The following DLGAP1 variants were observed in gnomAD, a reference collection of about 807,000 sequenced individuals.
DLGAP1 encodes disks large-associated protein 1.
A neutral mutation model predicts 90.8 loss-of-function variants in DLGAP1; 11 were observed. The ratio of observed to expected loss-of-function variants is 0.12; its 90% CI spans 0.08 to 0.20. DLGAP1 has a LOEUF of 0.20. DLGAP1 is among the 10% of genes least tolerant of loss of function. The pLI is 1.00. For missense variants in DLGAP1, 1,050 were observed against 1,333.8 expected (o/e 0.79, Z 3.31); for synonymous variants, 558 against 540.7 (o/e 1.03, Z -0.44).
At chr18:4,027,782 A>G (rs2074728267) in intron 2 of DLGAP1, among the ~76,000 whole-genome samples, 1 of 152,194 alleles carries the variant, frequency 6.6e-6, no homozygotes. Flanking sequence ...AATGTAACAT[A>G]AAAAACACCT....
chr18:4,145,850 A>C (rs2076577329), intron 2 of DLGAP1, among the ~76,000 whole-genome samples: 1 of 152,164 alleles, frequency 6.6e-6, no homozygotes, highest in African/African-American at 2.4e-5. Context: ...CTAGATTACA[A>C]GGCAGAAAAC....
chr18:3,664,209 CA>C (rs1220011204), intron 7 of DLGAP1, among the ~76,000 whole-genome samples: 5 of 128,716 alleles, frequency 3.9e-5, no homozygotes, highest in East Asian at 2.0e-4. Flanking sequence ...CACACACACA[CA>C]CACACACCCA....
chr18:4,215,670 T>A (rs1015778536), intron 1 of DLGAP1, among the ~76,000 whole-genome samples: 1 of 152,172 alleles, frequency 6.6e-6, no homozygotes, highest in Non-Finnish European at 1.5e-5. Context: ...CAAAAGCGAA[T>A]CAGCATTAAT....
chr18:4,341,054 C>T, intron 1 of DLGAP1, among the ~76,000 whole-genome samples: 1 of 151,960 alleles, frequency 6.6e-6, no homozygotes, highest in East Asian at 1.9e-4. Flanking sequence ...AGTTAAGGAG[C>T]CCTTAAGTAT....
intron 1 of DLGAP1, among the ~76,000 whole-genome samples, chr18:4,176,525 G>A (rs944082344): frequency 2.0e-5 from 3 of 152,114 alleles, no homozygotes; most frequent in African/African-American, 7.2e-5. Context: ...CCATCTAGGA[G>A]GAGCCTTCTT....
rs1555618610 is a variant in DLGAP1, at chr18:3,659,394, T to TATACAC, written c.1591+69740_1591+69741insGTGTAT. 8.4e-4 allele frequency among the ~76,000 whole-genome samples: 86 copies of TATACAC among 102,172 alleles called. 1 individual carries two copies. The highest frequency in any genetic ancestry group is 4.0e-3 in the African/African-American group (84 of 21,028). The allele number at this position is 102,172 out of a possible 152,430, so 67.0% of individuals were successfully genotyped here. A position where few individuals can be genotyped will look rare whatever the true frequency, so the allele number is the denominator to read the frequency against. On this transcript the variant is annotated intron_variant, in intron 7 of 12. Coordinates refer to ENST00000315677, the MANE Select transcript of DLGAP1 (RefSeq NM_004746.4). Reference sequence around the variant, plus strand: ...GGGTAAGCCGTAACACATACATTTATACACACACACACACACACACACACA... The same window carrying TATACAC: ...GGGTAAGCCGTAACACATACATTTATATACACACACACACACACACACACACACACA...
chr18:3,871,846 C>T (rs1239435112), intron 4 of DLGAP1, among the ~76,000 whole-genome samples: 2 of 152,138 alleles, frequency 1.3e-5, no homozygotes, highest in African/African-American at 4.8e-5. Context: ...GCAGGGATAC[C>T]TATGCAGATA....
chr18:3,862,551 G>A (rs1481204705), intron 4 of DLGAP1, among the ~76,000 whole-genome samples: 3 of 152,190 alleles, frequency 2.0e-5, no homozygotes, highest in East Asian at 1.9e-4. Context: ...CGACAGGCAC[G>A]TGGAGGGGAC....
At chr18:3,856,734 A>G in intron 4 of DLGAP1, among the ~76,000 whole-genome samples, 1 of 151,874 alleles carries the variant, frequency 6.6e-6, no homozygotes, top group Non-Finnish European at 1.5e-5. Flanking sequence ...GGTGGCAGGC[A>G]GCTGTAGTCC....
chr18:3,884,577 G>A (rs1300592241), intron 3 of DLGAP1, among the ~76,000 whole-genome samples: 2 of 152,178 alleles, frequency 1.3e-5, no homozygotes, highest in Non-Finnish European at 2.9e-5. Context: ...TTCCATGCAA[G>A]ATGACGTTAC....
In DLGAP1 at chr18:3,565,201, C is replaced by T. The variant is rs1421922769; in HGVS notation, c.2057+2289G>A. ...GTCTGCTCTGCCACCCAGGCTGGAGCGCAATGGCGTCATCTTGGCTCACTG... is the reference window on the plus strand; with the variant it reads ...GTCTGCTCTGCCACCCAGGCTGGAGTGCAATGGCGTCATCTTGGCTCACTG... On this transcript the variant is annotated intron_variant, in intron 9 of 12. Coordinates refer to ENST00000315677, the MANE Select transcript of DLGAP1 (RefSeq NM_004746.4). This position sits in a 1 kb window ranked among gnomAD's most constrained non-coding sequence, Gnocchi z 4.0. 9.9e-5 allele frequency among the ~76,000 whole-genome samples: 15 copies of T among 151,992 alleles called. No homozygotes were observed. The highest frequency in any genetic ancestry group is 1.4e-4 in the African/African-American group (6 of 41,388).
intron 1 of DLGAP1, among the ~76,000 whole-genome samples, chr18:4,278,426 C>A (rs1382591470): frequency 6.6e-6 from 1 of 152,096 alleles, no homozygotes; most frequent in Non-Finnish European, 1.5e-5. Context: ...AATTTCTCAG[C>A]CCTCAGCCCT....
chr18:4,033,701 T>G (rs1202628953), intron 2 of DLGAP1, among the ~76,000 whole-genome samples: 1 of 152,116 alleles, frequency 6.6e-6, no homozygotes, highest in Non-Finnish European at 1.5e-5. Flanking sequence ...GTATCTTCCT[T>G]TATTTTGCAC....
At chr18:3,766,581 A>G (rs913675445) in intron 5 of DLGAP1, among the ~76,000 whole-genome samples, 20 of 152,174 alleles carry the variant, frequency 1.3e-4, no homozygotes, top group African/African-American at 4.8e-4. Context: ...GGGCCATAAA[A>G]AAAAACTCAA....
At chr18:3,730,390 A>C (rs1053951961) in intron 6 of DLGAP1, among the ~76,000 whole-genome samples, 8 of 152,158 alleles carry the variant, frequency 5.3e-5, no homozygotes, top group African/African-American at 9.7e-5. Context: ...TTGACGAATA[A>C]GTTTTTATTG....
In DLGAP1 at chr18:3,926,833, G is replaced by A. The variant is rs531253247; in HGVS notation, c.-72-46693C>T. Among the ~76,000 whole-genome samples, 578 of 152,218 alleles carry A rather than the reference G, an allele frequency of 3.8e-3. 3 individuals carry two copies. Among genetic ancestry groups the A allele is most frequent in the African/African-American group, 0.014 (568 of 41,532 alleles). On this transcript the variant is annotated intron_variant, in intron 3 of 12. Coordinates refer to ENST00000315677, the MANE Select transcript of DLGAP1 (RefSeq NM_004746.4). ...CCATTCTTGACTAAAAAGAGCCTGG[G>A]CATTTTGGAAAAATGGTTTCTTCCA...
intron 5 of DLGAP1, among the ~76,000 whole-genome samples, chr18:3,761,482 T>C (rs565846359): frequency 6.6e-6 from 1 of 152,360 alleles, no homozygotes; most frequent in African/African-American, 2.4e-5. Context: ...CCATTAGCCA[T>C]AGATGAACAC....
Position 3,513,400 on chromosome 18 carries a change from C to T in DLGAP1, c.2480-4739G>A, listed in dbSNP as rs552273513. Among the ~76,000 whole-genome samples, 236 of 152,322 alleles carry T rather than the reference C, an allele frequency of 1.5e-3. 1 individual carries two copies. Among genetic ancestry groups the T allele is most frequent in the African/African-American group, 5.3e-3 (219 of 41,572 alleles). ...TATAGCCCTGAACTCCTTGCCACAG[C>T]CTTCTGAGCAGCTGGGACTGCAGGC... is the stretch of plus-strand genomic sequence containing the variant. On this transcript the variant is annotated intron_variant, in intron 10 of 12. Transcript: ENST00000315677.
At chr18:4,368,454 G>C (rs1330910319) in intron 1 of DLGAP1, among the ~76,000 whole-genome samples, 1 of 152,026 alleles carries the variant, frequency 6.6e-6, no homozygotes, top group Non-Finnish European at 1.5e-5. Context: ...TCAGTAGAAG[G>C]CCTTAAGAAA....
Sources: gnomAD v4.1 joint callset for allele counts (sites outside exome capture counted in the v4.1 genomes callset) on GRCh38, gnomAD v4.1.1 for gene constraint, Gnocchi (gnomAD v3.1) non-coding constraint, MANE v1.5 for transcripts, NCBI Gene and HGNC (gene_info 2026-07-23, HGNC 2026-07-21) for gene names.